CXADR: variants seen among roughly 807,000 people sequenced by gnomAD.
The protein encoded by CXADR is coxsackievirus and adenovirus receptor.
CXADR carries 20 observed loss-of-function variants against 40.3 expected under a neutral mutation model. The ratio of observed to expected loss-of-function variants is 0.50; its 90% CI spans 0.35 to 0.72. The LOEUF is 0.72. CXADR is among the 30% of genes least tolerant of loss of function. CXADR has a pLI of 0.01. For synonymous variants in CXADR, 150 were observed against 161.3 expected, an observed-to-expected ratio of 0.93 and a Z score of 0.53; for missense variants, 332 against 449.1, an observed-to-expected ratio of 0.74 and a Z score of 2.36.
the CXADR span, among the ~76,000 whole-genome samples, chr21:17,609,902 A>G: frequency 6.6e-6 from 1 of 152,256 alleles, no homozygotes; most frequent in African/African-American, 2.4e-5. Flanking sequence ...AGTATTCATA[A>G]TAGCTAAAAA....
intron 3 of CXADR, among the ~76,000 whole-genome samples, chr21:17,552,452 T>C (rs1343722297): frequency 6.6e-6 from 1 of 152,244 alleles, no homozygotes; most frequent in African/African-American, 2.4e-5. Context: ...CATTCACTGA[T>C]ATCTTATAGC....
downstream of CXADR, among the ~76,000 whole-genome samples, chr21:17,574,996 CACACATACAT>C (rs200661328): frequency 3.7e-3 from 28 of 7,548 alleles, no homozygotes; most frequent in South Asian, 0.011. Context: ...CATATATACA[CACACATACAT>C]ACATACATAC....
At chr21:17,532,791 G>T (rs1386632457) in intron 1 of CXADR, among the ~76,000 whole-genome samples, 4 of 152,130 alleles carry the variant, frequency 2.6e-5, no homozygotes, top group East Asian at 1.9e-4. Context: ...GTTCTAAGAG[G>T]TTTACATGTG....
chr21:17,578,820 T>G (rs941583178), intron 7 of CXADR, among the ~76,000 whole-genome samples: 4 of 152,246 alleles, frequency 2.6e-5, no homozygotes, highest in African/African-American at 9.6e-5. Flanking sequence ...AAAGACCTTG[T>G]CTTCAAAAAA....
At chr21:17,556,893 TA>T (rs2061043003) in intron 3 of CXADR, among the ~76,000 whole-genome samples, 1 of 152,202 alleles carries the variant, frequency 6.6e-6, no homozygotes, top group Non-Finnish European at 1.5e-5. Flanking sequence ...CTGAATATGA[TA>T]AATCATGTTG....
chr21:17,515,539 C>T (rs763991015), intron 1 of CXADR, among the ~76,000 whole-genome samples: 7 of 152,072 alleles, frequency 4.6e-5, no homozygotes, highest in Non-Finnish European at 1.0e-4. Flanking sequence ...GGGCCGGGCG[C>T]GGTGGCTCAC....
the CXADR span, among the ~76,000 whole-genome samples, chr21:17,622,299 C>T: frequency 6.6e-6 from 1 of 152,112 alleles, no homozygotes; most frequent in Admixed American, 6.5e-5. Flanking sequence ...CCAGGAGGAG[C>T]TCAAAACCTG....
chr21:17,531,607 C>T (rs775843320), intron 1 of CXADR, among the ~76,000 whole-genome samples: 26 of 152,150 alleles, frequency 1.7e-4, no homozygotes, highest in Non-Finnish European at 3.4e-4. Flanking sequence ...CAGACTTGGA[C>T]CAGTCTCTAA....
At chr21:17,516,200 T>C (rs941319458) in intron 1 of CXADR, among the ~76,000 whole-genome samples, 12 of 152,184 alleles carry the variant, frequency 7.9e-5, no homozygotes, top group African/African-American at 2.7e-4. Context: ...GTTGTACAAA[T>C]AGAGAAACAG....
the CXADR span, chr21:17,604,074 A>G: frequency 6.7e-6 from 8 of 1,198,996 alleles, no homozygotes; most frequent in Non-Finnish European, 8.6e-6. Flanking sequence ...TCACAACTCT[A>G]TTCATTAGGA....
intron 1 of CXADR, among the ~76,000 whole-genome samples, chr21:17,518,223 C>T (rs1485637341): frequency 6.6e-6 from 1 of 151,982 alleles, no homozygotes; most frequent in Non-Finnish European, 1.5e-5. Context: ...CACACATACC[C>T]ACACACATAC....
chr21:17,521,592 G>A (rs191098498), intron 1 of CXADR, among the ~76,000 whole-genome samples: 2 of 152,254 alleles, frequency 1.3e-5, no homozygotes, highest in Non-Finnish European at 2.9e-5. Flanking sequence ...CAAAGTGCTG[G>A]GATTATAGGC....
At chr21:17,633,208 A>G in the CXADR span, 27 of 152,144 alleles carry the variant, frequency 1.8e-4, no homozygotes, top group African/African-American at 6.3e-4. Flanking sequence ...AAGAAACACA[A>G]TTGTCTTCAA....
chr21:17,516,132 A>G (rs1244906817), intron 1 of CXADR, among the ~76,000 whole-genome samples: 1 of 152,200 alleles, frequency 6.6e-6, no homozygotes. Flanking sequence ...AGGGCTTTAC[A>G]TACCTATATA....
chr21:17,579,345 T>C (rs2061343906), intron 7 of CXADR, among the ~76,000 whole-genome samples: 2 of 151,700 alleles, frequency 1.3e-5, no homozygotes, highest in East Asian at 1.9e-4. Context: ...AGTGCAGTGG[T>C]GCAGTCTTGG....
intron 7 of CXADR, among the ~76,000 whole-genome samples, chr21:17,578,626 C>T (rs941542556): frequency 3.9e-5 from 6 of 152,186 alleles, no homozygotes; most frequent in East Asian, 1.9e-4. Context: ...CCCAGGAGTT[C>T]GAGACCAGTC....
At chr21:17,597,419 T>G (rs75195028), downstream of CXADR, among the ~76,000 whole-genome samples, 968 of 151,910 alleles carry the variant, frequency 6.4e-3, 59 homozygotes, top group East Asian at 0.13. Context: ...TATGGCAAGG[T>G]TTTTAAAAAT....
intron 1 of CXADR, chr21:17,518,739 A>G: frequency 6.3e-7 from 1 of 1,594,218 alleles, no homozygotes; most frequent in Non-Finnish European, 8.6e-7. Context: ...CTGCATGACC[A>G]GTAATTGCAA....
the CXADR span, among the ~76,000 whole-genome samples, chr21:17,617,661 TA>T: frequency 6.6e-6 from 1 of 152,196 alleles, no homozygotes; most frequent in Admixed American, 6.5e-5. Context: ...AGTACTTAAT[TA>T]AAAAATATTT....
Sources: gnomAD v4.1 joint callset for allele counts (sites outside exome capture counted in the v4.1 genomes callset) on GRCh38, gnomAD v4.1.1 for gene constraint, MANE v1.5 for transcripts, NCBI Gene and HGNC (gene_info 2026-07-23, HGNC 2026-07-21) for gene names.